The following ACVR1 variants were observed in gnomAD, a reference collection of about 807,000 sequenced individuals.
ACVR1 encodes activin A receptor type 1.
In ACVR1, 38 loss-of-function variants were observed where a neutral mutation model predicts 57.1. The ratio of observed to expected loss-of-function variants is 0.67; its 90% confidence interval spans 0.51 to 0.87. The LOEUF (loss-of-function observed/expected upper bound fraction) is 0.87. Ranked by LOEUF, ACVR1 falls within the 40% of genes least tolerant of loss-of-function variation. The probability of loss-of-function intolerance (pLI) is 0.00; values close to 1 mark genes in which losing one functional copy is unlikely to be tolerated. For missense variants in ACVR1, 463 were observed against 638.2 expected (o/e 0.73, Z 2.96); for synonymous variants, 212 against 228.1 (o/e 0.93, Z 0.63).
intron 4 of ACVR1, among the ~76,000 whole-genome samples, chr2:157,779,722 A>G (rs1277360515): frequency 6.6e-6 from 1 of 152,252 alleles, no homozygotes; most frequent in Non-Finnish European, 1.5e-5. Context: ...ATAGGGAAAC[A>G]GTTTCAGAGC....
chr2:157,844,253 G>A (rs566557760), intron 1 of ACVR1, among the ~76,000 whole-genome samples: 1 of 152,298 alleles, frequency 6.6e-6, no homozygotes, highest in African/African-American at 2.4e-5. Context: ...TGAAGATGAA[G>A]ACTGCCAAGA....
At chr2:157,792,141 T>A (rs1402745108) in intron 3 of ACVR1, among the ~76,000 whole-genome samples, 7 of 152,144 alleles carry the variant, frequency 4.6e-5, no homozygotes, top group Non-Finnish European at 1.0e-4. Flanking sequence ...GCAGGTTTTT[T>A]TTTTTAAGGT....
At chr2:157,850,131 T>C (rs570369943) in intron 1 of ACVR1, among the ~76,000 whole-genome samples, 1 of 152,320 alleles carries the variant, frequency 6.6e-6, no homozygotes, top group South Asian at 2.1e-4. Context: ...GGCTCATGCC[T>C]GTAATCCCAG....
chr2:157,784,313 G>T (rs1291644675), intron 3 of ACVR1, among the ~76,000 whole-genome samples: 1 of 152,142 alleles, frequency 6.6e-6, no homozygotes, highest in Non-Finnish European at 1.5e-5. Context: ...GAACACCAAG[G>T]AACAGATAAT....
chr2:157,758,905 T>C (rs1203681288), intron 9 of ACVR1, among the ~76,000 whole-genome samples: 2 of 151,862 alleles, frequency 1.3e-5, no homozygotes, highest in Non-Finnish European at 2.9e-5. Context: ...ACTGGGTCAA[T>C]GAAGAAATTA....
rs180708681 is a variant in ACVR1, at chr2:157,809,694, A to C, written c.-8+8691T>G. On this transcript the variant is annotated intron_variant, in intron 2 of 10. Coordinates refer to ENST00000434821, the MANE Select transcript of ACVR1 (RefSeq NM_001111067.4). ...GCACTCTATGAAGTAGGGAGAAAGA[A>C]TGAAATCTTAAAAATAGGTGATGCG... 2.6e-5 allele frequency among the ~76,000 whole-genome samples: 4 copies of C among 152,366 alleles called. No individual in the cohort carries two copies. In the East Asian group the frequency reaches 7.7e-4, roughly 29 times the overall value.
chr2:157,811,272 G>A (rs1687744831), intron 2 of ACVR1, among the ~76,000 whole-genome samples: 1 of 152,076 alleles, frequency 6.6e-6, no homozygotes. Flanking sequence ...TTTCACTCAA[G>A]ATGTTACTCG....
intron 9 of ACVR1, among the ~76,000 whole-genome samples, chr2:157,757,416 T>C (rs372855436): frequency 1.3e-5 from 2 of 151,770 alleles, no homozygotes; most frequent in Non-Finnish European, 2.9e-5. Context: ...CCAAAAAGAT[T>C]CAGCCCAAAA....
Position 157,774,180 on chromosome 2 carries a change from A to C in ACVR1, c.551T>G (p.Leu184Trp). The C allele has an allele frequency of 6.2e-7, 1 of 1,613,968 alleles. No homozygotes were observed. The highest frequency in any genetic ancestry group is 8.5e-7 in the Non-Finnish European group (1 of 1,179,844). Reference sequence around the variant, plus strand: ...ACTTCCTGATGTACACGAATGATCCAATAAATCCTGTGGTTTAAGACAAGG... The same window carrying C: ...ACTTCCTGATGTACACGAATGATCCCATAAATCCTGTGGTTTAAGACAAGG... ...NVGDSTLADL[L>W]DHSCTSGSGS... Residue 184 changes from leucine (L) to tryptophan (W), a missense_variant, in exon 6 of 11, where the codon TTG (leucine) becomes TGG (tryptophan). Around this residue, in one of 3 missense-constraint regions of ACVR1, gnomAD observed 203 missense variants for 235.5 expected, o/e 0.86. Transcript: ENST00000434821.
intron 1 of ACVR1, among the ~76,000 whole-genome samples, chr2:157,831,969 A>C (rs1333916592): frequency 6.6e-6 from 1 of 152,200 alleles, no homozygotes; most frequent in Non-Finnish European, 1.5e-5. Flanking sequence ...TTTAAAAATC[A>C]GTTTGAAAGG....
intron 2 of ACVR1, among the ~76,000 whole-genome samples, chr2:157,813,935 A>C (rs59153195): frequency 1.3e-5 from 2 of 152,154 alleles, no homozygotes; most frequent in Non-Finnish European, 2.9e-5. Context: ...GGAGATAGTA[A>C]GTTTTTAAAT....
At chr2:157,757,031 TATATATATATATAA>T (rs1685464658) in intron 9 of ACVR1, among the ~76,000 whole-genome samples, 1 of 129,278 alleles carries the variant, frequency 7.7e-6, no homozygotes, top group African/African-American at 3.4e-5. Context: ...GATATATATA[TATATATATATATAA>T]AATAGAATAC....
chr2:157,826,740 GGAAAGGAAAGGAAAGGAAAGGA>G, intron 1 of ACVR1: 2 of 90,572 alleles, frequency 2.2e-5, no homozygotes, highest in Non-Finnish European at 4.0e-5. Context: ...GGAAAGGAAA[GGAAAGGAAAGGAAAGGAAAGGA>G]AAGGAAAGGA....
chr2:157,742,955 G>A lies in ACVR1; in HGVS notation c.1265-4385C>T, dbSNP rs115875627. ...GAGAAAGCTGAAAAAGGAGTTCACC[G>A]TGCCCCTCCTCTGCATGTTTTCCAT... On this transcript the variant is annotated intron_variant, in intron 9 of 10. Transcript: ENST00000434821. 2.9e-3 allele frequency among the ~76,000 whole-genome samples: 441 copies of A among 152,032 alleles called. 4 individuals carry two copies. Among genetic ancestry groups the A allele is most frequent in the African/African-American group, 9.7e-3 (400 of 41,408 alleles).
intron 2 of ACVR1, 27 bp from the exon 3 acceptor site, chr2:157,799,527 G>A: frequency 6.4e-7 from 1 of 1,558,474 alleles, no homozygotes; most frequent in Non-Finnish European, 8.9e-7. Context: ...AGAGATGTAA[G>A]TAAAGCATAA....
intron 2 of ACVR1, among the ~76,000 whole-genome samples, chr2:157,809,254 T>A (rs923188259): frequency 6.6e-6 from 1 of 152,162 alleles, no homozygotes; most frequent in Non-Finnish European, 1.5e-5. Context: ...AAGAATTCTC[T>A]TAGTGGTCTG....
At chr2:157,784,610 C>T (rs973343317) in intron 3 of ACVR1, among the ~76,000 whole-genome samples, 3 of 152,246 alleles carry the variant, frequency 2.0e-5, no homozygotes, top group African/African-American at 7.2e-5. Context: ...GAGCCAGAGC[C>T]GTGTGAAAAC....
chr2:157,765,464 T>C (rs902254440), intron 8 of ACVR1, among the ~76,000 whole-genome samples: 33 of 152,190 alleles, frequency 2.2e-4, no homozygotes, highest in African/African-American at 7.2e-4. Context: ...GAGGTAACTG[T>C]CAAGAGTAAT....
rs1437522197 is a variant in ACVR1, at chr2:157,737,070, G to A, written c.*461C>T. ...TGGCAAGTTGGGTCTTTAAAATTAA[G>A]AGTAACAGTGCAAGTAAGGAATGCA... On this transcript the variant is annotated 3_prime_UTR_variant, in exon 11 of 11. Coordinates refer to ENST00000434821, the MANE Select transcript of ACVR1 (RefSeq NM_001111067.4). The A allele has an allele frequency of 3.6e-6, 1 of 278,812 alleles. No individual in the cohort carries two copies. Among genetic ancestry groups the A allele is most frequent in the Non-Finnish European group, 6.7e-6 (1 of 148,534 alleles). 17.3% of individuals were successfully genotyped at this position (278,812 alleles called of 1,614,324 possible). A position where few individuals can be genotyped will look rare whatever the true frequency, so the allele number is the denominator to read the frequency against.
Sources: allele counts gnomAD v4.1 joint callset (sites outside exome capture counted in the v4.1 genomes callset), GRCh38; gene constraint gnomAD v4.1.1; regional missense constraint gnomAD v4.1.1; transcripts MANE v1.5; gene names NCBI Gene and HGNC (gene_info 2026-07-23, HGNC 2026-07-21).